The following CLMN variants were observed in gnomAD, a reference collection of about 807,000 sequenced individuals.
CLMN encodes calmin (calponin-like, transmembrane).
In CLMN, 57 loss-of-function variants were observed where a neutral mutation model predicts 92.7. The observed-to-expected ratio is 0.61, with a 90% CI of 0.50 to 0.77. The LOEUF (loss-of-function observed/expected upper bound fraction) is 0.77, where lower values mean the gene tolerates loss of function less well. Among genes scored for constraint, CLMN ranks in the 30% least tolerant of loss-of-function variants. The probability of loss-of-function intolerance (pLI) is 0.00; values close to 1 mark genes in which losing one functional copy is unlikely to be tolerated. For synonymous variants in CLMN, 466 were observed against 470.6 expected, an observed-to-expected ratio of 0.99 and a Z score of 0.13; for missense variants, 1,158 against 1,237.5, an observed-to-expected ratio of 0.94 and a Z score of 0.96.
intron 4 of CLMN, among the ~76,000 whole-genome samples, chr14:95,219,764 A>G (rs1479676933): frequency 6.6e-6 from 1 of 152,206 alleles, no homozygotes; most frequent in East Asian, 1.9e-4. Flanking sequence ...CTTTTAATGA[A>G]CAGGGGGTAG....
In CLMN at chr14:95,194,684, C is replaced by A; in HGVS notation, c.2709-88G>T. 7.9e-7 allele frequency: 1 copy of A among 1,267,952 alleles called. No homozygotes were observed. Among genetic ancestry groups the A allele is most frequent in the Non-Finnish European group, 1.2e-6 (1 of 866,108 alleles). 78.5% of individuals were successfully genotyped at this position (1,267,952 alleles called of 1,614,324 possible). ...GGTCACCCCCATCCTGGGGTTTCCA[C>A]GTATGGGTTTAGGCAAGCGACAACT... On this transcript the variant is annotated intron_variant, in intron 10 of 12. Coordinates refer to ENST00000298912, the MANE Select transcript of CLMN (RefSeq NM_024734.4). This position sits in a 1 kb window ranked among gnomAD's most constrained non-coding sequence, Gnocchi z 4.0.
At chr14:95,241,102 C>T (rs1433994204) in intron 1 of CLMN, among the ~76,000 whole-genome samples, 1 of 152,050 alleles carries the variant, frequency 6.6e-6, no homozygotes, top group Admixed American at 6.6e-5. Flanking sequence ...GAAAAACACA[C>T]AACCTCATAC....
intron 2 of CLMN, among the ~76,000 whole-genome samples, chr14:95,227,526 A>G (rs1217549200): frequency 6.6e-6 from 1 of 152,198 alleles, no homozygotes; most frequent in Non-Finnish European, 1.5e-5. Context: ...GACTAACAAC[A>G]TTTCCAGTTA....
rs561588937 is a variant in CLMN at position 95,294,595 on chromosome 14, T to C, written c.82+25116A>G. Among the ~76,000 whole-genome samples the C allele has an allele frequency of 6.6e-6, 1 of 152,354 alleles. No homozygotes were observed. Among genetic ancestry groups the C allele is most frequent in the African/African-American group, 2.4e-5 (1 of 41,582 alleles). ...AAGTTACCTCCTGGTCTCTACCTTG[T>C]AGAAAAGGGCACTTATTTTCAGGTG... On this transcript the variant is annotated intron_variant, in intron 1 of 12. Coordinates refer to ENST00000298912, the MANE Select transcript of CLMN (RefSeq NM_024734.4). This position sits in a 1 kb window ranked among gnomAD's most constrained non-coding sequence, Gnocchi z 4.2.
chr14:95,215,854 TG>T, intron 4 of CLMN, 121 bp from the exon 5 acceptor site: 1 of 628,142 alleles, frequency 1.6e-6, no homozygotes, highest in Non-Finnish European at 2.8e-6. Context: ...TGTGTGTGTG[TG>T]TGTGTTTGCA....
intron 1 of CLMN, among the ~76,000 whole-genome samples, chr14:95,257,605 A>C (rs57364917): frequency 0.2 from 30,644 of 152,226 alleles, 3,573 homozygotes; most frequent in African/African-American, 0.32. Context: ...CACCTGGTTT[A>C]ATTCTTTCAA....
chr14:95,231,336 A>G lies in CLMN; in HGVS notation c.83-1203T>C, dbSNP rs1595599427. Reference sequence around the variant, plus strand: ...CTCAGCCTCCAGAGTAGCTGGGACTACAGGCGCGCACCACCATGCCTGGCT... The same window carrying G: ...CTCAGCCTCCAGAGTAGCTGGGACTGCAGGCGCGCACCACCATGCCTGGCT... On this transcript the variant is annotated intron_variant, in intron 1 of 12. Coordinates refer to ENST00000298912, the MANE Select transcript of CLMN (RefSeq NM_024734.4). Among the ~76,000 whole-genome samples the G allele has an allele frequency of 2.6e-5, 4 of 151,952 alleles. No individual in the cohort carries two copies. The East Asian group carries it at 7.8e-4, about 29-fold the overall frequency.
chr14:95,211,015 T>C, intron 6 of CLMN, 136 bp from the exon 7 acceptor site: 1 of 777,204 alleles, frequency 1.3e-6, no homozygotes, highest in South Asian at 2.2e-5. Flanking sequence ...GACGCCTTCA[T>C]CCCTGAGCAT....
chr14:95,268,741 G>T (rs1393379513), intron 1 of CLMN, among the ~76,000 whole-genome samples: 1 of 149,104 alleles, frequency 6.7e-6, no homozygotes, highest in Non-Finnish European at 1.5e-5. Flanking sequence ...TATGAAAGAG[G>T]TTACCACTGC....
intron 3 of CLMN, among the ~76,000 whole-genome samples, chr14:95,223,453 C>T (rs146832698): frequency 1.7e-4 from 26 of 152,070 alleles, no homozygotes; most frequent in African/African-American, 3.9e-4. Context: ...CACTTCTCAG[C>T]GATGATTCTA....
chr14:95,245,257 AT>A (rs1898493816), intron 1 of CLMN, among the ~76,000 whole-genome samples: 1 of 37,572 alleles, frequency 2.7e-5, no homozygotes, highest in Non-Finnish European at 4.2e-5. Context: ...TATATATAAT[AT>A]ATATATATAT....
intron 1 of CLMN, among the ~76,000 whole-genome samples, chr14:95,238,196 T>G (rs1295886254): frequency 6.6e-6 from 1 of 152,178 alleles, no homozygotes; most frequent in Non-Finnish European, 1.5e-5. Flanking sequence ...CAGCCCCGCT[T>G]GGTGGTTTCG....
intron 4 of CLMN, 118 bp from the exon 5 acceptor site, chr14:95,215,851 G>C (rs1489321039): frequency 3.3e-6 from 2 of 608,550 alleles, no homozygotes; most frequent in African/African-American, 3.9e-5. Context: ...GTGTGTGTGT[G>C]TGTGTGTGTT....
intron 3 of CLMN, among the ~76,000 whole-genome samples, chr14:95,223,332 G>A (rs1034725133): frequency 2.0e-5 from 3 of 152,178 alleles, no homozygotes; most frequent in Admixed American, 2.0e-4. Context: ...TGAACGTCAA[G>A]ACCAGCTGGC....
chr14:95,315,581 C>T (rs1475022142), intron 1 of CLMN, among the ~76,000 whole-genome samples: 4 of 152,220 alleles, frequency 2.6e-5, no homozygotes, highest in African/African-American at 9.6e-5. Flanking sequence ...CTTCGGAAAA[C>T]GCAGGCCCTG....
chr14:95,202,791 AGTTTCCCAGGCAGGACCCAG>A (rs1896920227), intron 9 of CLMN, 27 bp downstream of exon 9: 2 of 1,493,072 alleles, frequency 1.3e-6, no homozygotes, highest in African/African-American at 2.8e-5. Context: ...AGAACTATCA[AGTTTCCCAGGCAGGACCCAG>A]GGTTCCCAAA....
chr14:95,215,756 C>G (rs370170734), intron 4 of CLMN, 23 bp from the exon 5 acceptor site: 1 of 1,582,624 alleles, frequency 6.3e-7, no homozygotes, highest in African/African-American at 1.3e-5. Flanking sequence ...AATTTATGAA[C>G]TTAAAGCGAG....
chr14:95,208,646 C>A (rs1187606), intron 8 of CLMN, among the ~76,000 whole-genome samples: 39,775 of 152,054 alleles, frequency 0.26, 6,458 homozygotes, highest in African/African-American at 0.44. Context: ...CAGTTTCCAT[C>A]CTGCTTTGAA....
In CLMN at chr14:95,191,255, G is replaced by A. The variant is rs377279072; in HGVS notation, c.*309C>T. Reference sequence around the variant, plus strand: ...ATGTGGGGTGTGCTAAGATCCAGGCGGGCTAATGATCACTAACAATGCTCC... The same window carrying A: ...ATGTGGGGTGTGCTAAGATCCAGGCAGGCTAATGATCACTAACAATGCTCC... On this transcript the variant is annotated 3_prime_UTR_variant, in exon 13 of 13. Coordinates refer to ENST00000298912, the MANE Select transcript of CLMN (RefSeq NM_024734.4). This position sits in a 1 kb window ranked among gnomAD's most constrained non-coding sequence, Gnocchi z 5.3. 21 of 195,418 alleles carry A rather than the reference G, an allele frequency of 1.1e-4. No homozygotes were observed. The highest frequency in any genetic ancestry group is 1.9e-4 in the Non-Finnish European group (18 of 97,136). The allele number at this position is 195,418 out of a possible 1,614,324, so 12.1% of individuals were successfully genotyped here. A position where few individuals can be genotyped will look rare whatever the true frequency, so the allele number is the denominator to read the frequency against.
Sources: allele counts gnomAD v4.1 joint callset (sites outside exome capture counted in the v4.1 genomes callset), GRCh38; gene constraint gnomAD v4.1.1; non-coding constraint Gnocchi (gnomAD v3.1); transcripts MANE v1.5; gene names NCBI Gene and HGNC (gene_info 2026-07-23, HGNC 2026-07-21).